Variants in DGLUCY observed in about 807,000 individuals in gnomAD.
DGLUCY encodes the protein D-glutamate cyclase, mitochondrial.
In DGLUCY, 58 loss-of-function variants were observed where a neutral mutation model predicts 58.5. The observed-to-expected ratio is 0.99, with a 90% CI of 0.80 to 1.23. The LOEUF (loss-of-function observed/expected upper bound fraction) is 1.23. Ranked by LOEUF, DGLUCY falls within the 50% of genes most tolerant of loss-of-function variation. The pLI, the probability that DGLUCY is intolerant of heterozygous loss-of-function variation, is 0.00. For synonymous variants in DGLUCY, 325 were observed against 314.1 expected (o/e 1.03, Z -0.37); for missense variants, 779 against 784.7 (o/e 0.99, Z 0.09).
intron 1 of DGLUCY, among the ~76,000 whole-genome samples, chr14:91,134,540 C>T (rs191321433): frequency 3.3e-5 from 5 of 151,766 alleles, no homozygotes; most frequent in African/African-American, 1.2e-4. Context: ...CAGGTTCAAG[C>T]GATTCTCTTG....
chr14:91,061,298 A>G (rs1000741854), intron 1 of DGLUCY, among the ~76,000 whole-genome samples: 1 of 152,232 alleles, frequency 6.6e-6, no homozygotes, highest in African/African-American at 2.4e-5. Flanking sequence ...CTTAAACGTT[A>G]CAAAAATTCA....
chr14:91,224,548 C>A, intron 13 of DGLUCY, 136 bp from the exon 14 acceptor site: 1 of 1,042,500 alleles, frequency 9.6e-7, no homozygotes, highest in Non-Finnish European at 1.3e-6. Context: ...GGTATTAGTA[C>A]TTTAAACCAA....
intron 1 of DGLUCY, among the ~76,000 whole-genome samples, chr14:91,124,160 T>C (rs144198870): frequency 1.3e-5 from 2 of 151,596 alleles, no homozygotes; most frequent in African/African-American, 2.4e-5. Context: ...TCTCCTGACC[T>C]CGTGATCCAC....
At chr14:91,202,407 G>A (rs2050628454) in intron 11 of DGLUCY, among the ~76,000 whole-genome samples, 1 of 152,198 alleles carries the variant, frequency 6.6e-6, no homozygotes, top group Non-Finnish European at 1.5e-5. Flanking sequence ...ATGTTTCCAA[G>A]TGTTTCCCAG....
At position 91,173,292 on chromosome 14, in the gene DGLUCY, A is replaced by T. The variant is rs745610451; in HGVS notation, c.460A>T (p.Thr154Ser). The T allele has an allele frequency of 1.2e-6, 2 of 1,612,412 alleles. No individual in the cohort carries two copies. The highest frequency in any genetic ancestry group is 2.2e-5 in the East Asian group (1 of 44,834). The change falls in exon 6 of 14, where the codon ACA becomes TCA. Residue 154 changes from threonine to serine, a missense_variant. Coordinates refer to ENST00000256324, the MANE Select transcript of DGLUCY (RefSeq NM_001102368.3). ...ATTTTTTTTTTTTTTTGGTCAGACA[A>T]CAGTGCCTTGTGTTACCCATGCTGG... ...GHSQAGAYKTTVPCVTHAGFC... is the reference protein window; with the variant it reads ...GHSQAGAYKTSVPCVTHAGFC...
intron 1 of DGLUCY, among the ~76,000 whole-genome samples, chr14:91,148,133 C>A (rs575838882): frequency 2.0e-5 from 3 of 151,958 alleles, no homozygotes; most frequent in African/African-American, 7.3e-5. Flanking sequence ...AAGATTGCAC[C>A]GCTGCACTCC....
intron 12 of DGLUCY, among the ~76,000 whole-genome samples, chr14:91,210,618 C>T (rs1444864528): frequency 2.0e-5 from 3 of 151,948 alleles, no homozygotes; most frequent in African/African-American, 4.8e-5. Context: ...GAAGAAAAAT[C>T]ACATGTTCAT....
intron 1 of DGLUCY, among the ~76,000 whole-genome samples, chr14:91,137,552 ATT>A (rs55763052): frequency 0.1 from 14,339 of 139,692 alleles, 701 homozygotes; most frequent in Admixed American, 0.13. Context: ...CGCCTGGCTA[ATT>A]TTTTTTTTTT....
At chr14:91,105,604 T>G (rs947087376), upstream of DGLUCY, among the ~76,000 whole-genome samples, 1 of 152,134 alleles carries the variant, frequency 6.6e-6, no homozygotes, top group Non-Finnish European at 1.5e-5. Context: ...CTATAATAGG[T>G]GCCCAATTAT....
rs141398227 is a variant in DGLUCY, at chr14:91,172,042, T to C, written c.457-1247T>C. Among the ~76,000 whole-genome samples the C allele has an allele frequency of 3.9e-4, 60 of 152,274 alleles. 2 individuals carry two copies. In the East Asian group the frequency reaches 0.011, roughly 29 times the overall value. On this transcript the variant is annotated intron_variant, in intron 5 of 13. Transcript: ENST00000256324. Reference sequence around the variant, plus strand: ...AAAAGTACGTTTTTCTTTTCCCTTCTTCCCTCCCTCCCTTCTTTATTTTAT... The same window carrying C: ...AAAAGTACGTTTTTCTTTTCCCTTCCTCCCTCCCTCCCTTCTTTATTTTAT...
chr14:91,123,849 A>T (rs1187281706), intron 1 of DGLUCY, among the ~76,000 whole-genome samples: 1 of 151,218 alleles, frequency 6.6e-6, no homozygotes, highest in Non-Finnish European at 1.5e-5. Context: ...AAGTGCTGGG[A>T]TTACACGCAT....
At chr14:91,102,562 G>A (rs2044505875) in intron 1 of DGLUCY, among the ~76,000 whole-genome samples, 1 of 152,142 alleles carries the variant, frequency 6.6e-6, no homozygotes, top group African/African-American at 2.4e-5. Flanking sequence ...TGGCAGAGGA[G>A]CAGTGGTGTC....
intron 8 of DGLUCY, among the ~76,000 whole-genome samples, chr14:91,185,266 G>C (rs1364462873): frequency 8.5e-6 from 1 of 117,608 alleles, no homozygotes; most frequent in Non-Finnish European, 1.8e-5. Context: ...ACCGTGCCCA[G>C]CCGGATTTTT....
chr14:91,215,642 G>C (rs1469979309), intron 13 of DGLUCY, 86 bp downstream of exon 13: 5 of 1,604,810 alleles, frequency 3.1e-6, no homozygotes, highest in Non-Finnish European at 4.2e-6. Flanking sequence ...CGTAAGCCGA[G>C]GGCTGGCACC....
chr14:91,069,411 G>T (rs1293759290), intron 1 of DGLUCY, among the ~76,000 whole-genome samples: 1 of 151,920 alleles, frequency 6.6e-6, no homozygotes, highest in East Asian at 1.9e-4. Flanking sequence ...AAGTAGCTGG[G>T]ATTACAGGCG....
intron 1 of DGLUCY, among the ~76,000 whole-genome samples, chr14:91,156,761 G>A (rs919788001): frequency 6.6e-6 from 1 of 152,160 alleles, no homozygotes; most frequent in Non-Finnish European, 1.5e-5. Context: ...CTCACTGATT[G>A]GATCTCATCT....
rs1460821412 is a variant in DGLUCY, at chr14:91,204,965, C to A, written c.1564+140C>A. The stretch of plus-strand genomic sequence containing the variant: ...GGCAGGGAGGGGAGGTGGTGCTCAG[C>A]CTATGACCTTTCATTCAGTCATTCA... On this transcript the variant is annotated intron_variant, in intron 12 of 13. Coordinates refer to ENST00000256324, the MANE Select transcript of DGLUCY (RefSeq NM_001102368.3). 4 of 1,121,368 alleles carry A rather than the reference C, an allele frequency of 3.6e-6. No individual in the cohort carries two copies. The African/African-American group carries it at 6.2e-5, about 17-fold the overall frequency. 69.5% of individuals were successfully genotyped at this position (1,121,368 alleles called of 1,614,324 possible). A position where few individuals can be genotyped will look rare whatever the true frequency, so the allele number is the denominator to read the frequency against.
At chr14:91,197,475 T>G (rs1373541059) in intron 10 of DGLUCY, among the ~76,000 whole-genome samples, 1 of 152,220 alleles carries the variant, frequency 6.6e-6, no homozygotes, top group Non-Finnish European at 1.5e-5. Context: ...ACAGCCATCA[T>G]CACCATCCAT....
chr14:91,077,666 C>T (rs1278478743), intron 1 of DGLUCY, among the ~76,000 whole-genome samples: 2 of 151,210 alleles, frequency 1.3e-5, no homozygotes, highest in Non-Finnish European at 2.9e-5. Flanking sequence ...GCAGGCGAAT[C>T]GCTTGAACCC....
Sources: allele counts gnomAD v4.1 joint callset (sites outside exome capture counted in the v4.1 genomes callset), GRCh38; gene constraint gnomAD v4.1.1; transcripts MANE v1.5; gene names NCBI Gene and HGNC (gene_info 2026-07-23, HGNC 2026-07-21).